The following CAMTA1 variants were observed in gnomAD, a reference collection of about 807,000 sequenced individuals.
CAMTA1 encodes calmodulin binding transcription activator 1, also known as calmodulin-binding transcription activator 1.
In CAMTA1, 27 loss-of-function variants were observed where a neutral mutation model predicts 170.9. That is an observed-to-expected ratio of 0.16 (90% CI 0.12 to 0.22). The LOEUF (loss-of-function observed/expected upper bound fraction) is 0.22, where lower values mean the gene tolerates loss of function less well. CAMTA1 is among the 10% of genes least tolerant of loss of function. The pLI is 1.00. For synonymous variants in CAMTA1, 833 were observed against 891.5 expected, an observed-to-expected ratio of 0.93 and a Z score of 1.17; for missense variants, 1,619 against 2,217.2, an observed-to-expected ratio of 0.73 and a Z score of 5.42.
chr1:7,192,691 C>G (rs1042018594), intron 4 of CAMTA1, among the ~76,000 whole-genome samples: 1 of 152,168 alleles, frequency 6.6e-6, no homozygotes, highest in Non-Finnish European at 1.5e-5. Context: ...TCACGGCCCC[C>G]TCACAACCCT....
intron 5 of CAMTA1, among the ~76,000 whole-genome samples, chr1:7,330,496 G>A (rs2082960876): frequency 6.6e-6 from 1 of 152,154 alleles, no homozygotes; most frequent in Non-Finnish European, 1.5e-5. Flanking sequence ...CCAAATGTGA[G>A]TTGAGGCCAG....
intron 5 of CAMTA1, among the ~76,000 whole-genome samples, chr1:7,326,380 A>G (rs1047355422): frequency 2.0e-5 from 3 of 152,208 alleles, no homozygotes; most frequent in Non-Finnish European, 4.4e-5. Context: ...TAGTTGAGAG[A>G]TTGAATTCTG....
chr1:7,411,050 T>C (rs1398413523), intron 5 of CAMTA1, among the ~76,000 whole-genome samples: 1 of 152,098 alleles, frequency 6.6e-6, no homozygotes, highest in Non-Finnish European at 1.5e-5. Context: ...TTTTAGTGTC[T>C]TTTTTGGAGA....
At chr1:7,376,408 C>A (rs1314984546) in intron 5 of CAMTA1, among the ~76,000 whole-genome samples, 2 of 152,176 alleles carry the variant, frequency 1.3e-5, no homozygotes, top group East Asian at 1.9e-4. Context: ...GGAGACTGTA[C>A]CTGCCACCAC....
rs140478869 is a variant in CAMTA1 at position 7,299,418 on chromosome 1, G to T, written c.438+49792G>T. 1.1e-4 allele frequency among the ~76,000 whole-genome samples: 16 copies of T among 152,308 alleles called. No homozygotes were observed. The South Asian group carries it at 3.1e-3, about 30-fold the overall frequency. ...ATGTGACTCAATATGAACTAAGCAG[G>T]GGGTGGGAGGTACAGACCACCCCAG... On this transcript the variant is annotated intron_variant, in intron 5 of 22. Transcript: ENST00000303635. This position sits in a 1 kb window ranked among gnomAD's most constrained non-coding sequence, Gnocchi z 4.7.
chr1:7,362,228 A>C (rs1334192870), intron 5 of CAMTA1, among the ~76,000 whole-genome samples: 1 of 152,238 alleles, frequency 6.6e-6, no homozygotes, highest in Non-Finnish European at 1.5e-5. Context: ...GGTAGAATTG[A>C]TGAACTTGAG....
At chr1:6,870,737 TATGGCAGGCCATC>T (rs1668175904) in intron 3 of CAMTA1, among the ~76,000 whole-genome samples, 1 of 152,240 alleles carries the variant, frequency 6.6e-6, no homozygotes, top group Non-Finnish European at 1.5e-5. Context: ...TACTCTTCTG[TATGGCAGGCCATC>T]ATTTACACTG....
chr1:6,910,052 C>T lies in CAMTA1; in HGVS notation c.234+84842C>T, dbSNP rs202044992. On this transcript the variant is annotated intron_variant, in intron 3 of 22. Coordinates refer to ENST00000303635, the MANE Select transcript of CAMTA1 (RefSeq NM_015215.4). ...TCACAATGTGCCATTGTGGAATTTG[C>T]AGCAATCCTTGTTTGCTTTTGGCTT... is the stretch of plus-strand genomic sequence containing the variant. Among the ~76,000 whole-genome samples, 4 of 152,360 alleles carry T rather than the reference C, an allele frequency of 2.6e-5. No individual in the cohort carries two copies. The East Asian group carries it at 7.7e-4, about 29-fold the overall frequency.
At chr1:7,122,732 G>A (rs974921373) in intron 4 of CAMTA1, among the ~76,000 whole-genome samples, 3 of 152,056 alleles carry the variant, frequency 2.0e-5, no homozygotes, top group Non-Finnish European at 4.4e-5. Context: ...GGAGTGCAAG[G>A]CCGCCCCACC....
intron 5 of CAMTA1, among the ~76,000 whole-genome samples, chr1:7,424,989 A>C (rs1403871403): frequency 6.6e-6 from 1 of 152,106 alleles, no homozygotes; most frequent in Non-Finnish European, 1.5e-5. Context: ...ACTTGGCTTC[A>C]CTTCCAGGGG....
intron 10 of CAMTA1, among the ~76,000 whole-genome samples, chr1:7,672,767 C>T (rs946217004): frequency 3.3e-5 from 5 of 152,228 alleles, no homozygotes; most frequent in African/African-American, 1.2e-4. Context: ...ACCCCTGCTC[C>T]ACAGCTGGCT....
In CAMTA1 at chr1:7,585,307, A is replaced by G. The variant is rs1303283986; in HGVS notation, c.511-55093A>G. On this transcript the variant is annotated intron_variant, in intron 6 of 22. Transcript: ENST00000303635. This position sits in a 1 kb window ranked among gnomAD's most constrained non-coding sequence, Gnocchi z 4.8. The stretch of plus-strand genomic sequence containing the variant: ...AGGGTTGCGGATAGAGTAGCCAAGA[A>G]GAGGCCTCTGCGGAGGGGCACCTGG... Among the ~76,000 whole-genome samples, 6 of 152,214 alleles carry G rather than the reference A, an allele frequency of 3.9e-5. No homozygotes were observed. Among genetic ancestry groups the G allele is most frequent in the Non-Finnish European group, 8.8e-5 (6 of 68,038 alleles).
At chr1:7,042,633 G>A (rs1190507633) in intron 3 of CAMTA1, among the ~76,000 whole-genome samples, 1 of 152,224 alleles carries the variant, frequency 6.6e-6, no homozygotes, top group Non-Finnish European at 1.5e-5. Flanking sequence ...AGCAGCAGCC[G>A]AGATGCCGCC....
intron 1 of CAMTA1, among the ~76,000 whole-genome samples, chr1:6,799,835 C>T (rs1643466147): frequency 6.6e-6 from 1 of 152,224 alleles, no homozygotes; most frequent in East Asian, 1.9e-4. Flanking sequence ...CCTTAGTTGA[C>T]CGCTTGTAAC....
In CAMTA1 at chr1:7,295,158, G is replaced by T. The variant is rs548948075; in HGVS notation, c.438+45532G>T. ...ACCTTCTGGCTTTGGGGTTTTTTTT[G>T]TTGTAAACAGGGACCCTAATGGCAT... On this transcript the variant is annotated intron_variant, in intron 5 of 22. Transcript: ENST00000303635. 8.6e-5 allele frequency among the ~76,000 whole-genome samples: 13 copies of T among 152,044 alleles called. No homozygotes were observed. In the East Asian group the frequency reaches 9.6e-4, roughly 11 times the overall value.
intron 3 of CAMTA1, among the ~76,000 whole-genome samples, chr1:6,978,226 A>AT (rs967445756): frequency 6.6e-6 from 1 of 152,236 alleles, no homozygotes; most frequent in African/African-American, 2.4e-5. Flanking sequence ...AAAAAGTATA[A>AT]TTCGATTGTT....
rs199948433 is a variant in CAMTA1 at position 7,661,685 on chromosome 1, A to G, written c.665-41A>G. On this transcript the variant is annotated intron_variant, in intron 7 of 22. Coordinates refer to ENST00000303635, the MANE Select transcript of CAMTA1 (RefSeq NM_015215.4). ...TTGGCCCCACCCAGGTCCCCTCTGC[A>G]CCCACGGGCTCTGACAGCCCCCCTG... is the stretch of plus-strand genomic sequence containing the variant. 1.3e-4 allele frequency: 214 copies of G among 1,611,520 alleles called. 1 individual carries two copies. The East Asian group carries it at 1.7e-3, about 13-fold the overall frequency.
At chr1:7,636,043 C>T (rs1180971678) in intron 6 of CAMTA1, among the ~76,000 whole-genome samples, 2 of 152,214 alleles carry the variant, frequency 1.3e-5, no homozygotes, top group East Asian at 3.9e-4. Flanking sequence ...CCTGCATCTC[C>T]TGAGCCTCCA....
chr1:6,916,825 G>T (rs758804910), intron 3 of CAMTA1, among the ~76,000 whole-genome samples: 2 of 152,260 alleles, frequency 1.3e-5, no homozygotes, highest in African/African-American at 2.4e-5. Flanking sequence ...ATTCCGTGCA[G>T]ATGTCATAGC....
Sources: gnomAD v4.1 joint callset for allele counts (sites outside exome capture counted in the v4.1 genomes callset) on GRCh38, gnomAD v4.1.1 for gene constraint, Gnocchi (gnomAD v3.1) non-coding constraint, MANE v1.5 for transcripts, NCBI Gene and HGNC (gene_info 2026-07-23, HGNC 2026-07-21) for gene names.